ABR: variants seen among roughly 807,000 people sequenced by gnomAD.
ABR encodes active breakpoint cluster region-related protein.
In ABR, 35 loss-of-function variants were observed where a neutral mutation model predicts 107.2. The ratio of observed to expected loss-of-function variants is 0.33; its 90% CI spans 0.25 to 0.43. The LOEUF (loss-of-function observed/expected upper bound fraction) is 0.43. ABR is among the 20% of genes least tolerant of loss of function. The pLI is 1.00. For synonymous variants in ABR, 498 were observed against 462.0 expected (o/e 1.08, Z -1.00); for missense variants, 815 against 1,115.2 (o/e 0.73, Z 3.83).
chr17:1,035,929 T>A (rs2073152839), intron 16 of ABR, among the ~76,000 whole-genome samples: 1 of 151,150 alleles, frequency 6.6e-6, no homozygotes, highest in Admixed American at 6.6e-5. Context: ...AGTGGCGGCA[T>A]CAACGAGGAA....
At chr17:1,104,177 A>G (rs1176844350) in intron 2 of ABR, among the ~76,000 whole-genome samples, 1 of 152,126 alleles carries the variant, frequency 6.6e-6, no homozygotes, top group African/African-American at 2.4e-5. Context: ...TCCCAGCCAG[A>G]ACTTGTGAAA....
intron 2 of ABR, chr17:1,108,900 C>A (rs750027605): frequency 2.2e-5 from 34 of 1,555,790 alleles, no homozygotes; most frequent in South Asian, 4.7e-5. Flanking sequence ...CCGGCCCGGC[C>A]CCCCCCAGCG....
chr17:1,138,389 A>C (rs1008579195), intron 1 of ABR, among the ~76,000 whole-genome samples: 4 of 152,186 alleles, frequency 2.6e-5, no homozygotes, highest in African/African-American at 9.7e-5. Flanking sequence ...TCTGGGTGTT[A>C]GTTACACAAG....
intron 10 of ABR, among the ~76,000 whole-genome samples, chr17:1,059,246 A>G (rs1488389257): frequency 5.3e-5 from 8 of 152,172 alleles, no homozygotes; most frequent in Non-Finnish European, 2.9e-5. Context: ...GGCTGCCGAC[A>G]TAACGGAAGC....
At chr17:1,206,494 C>T (rs2042790419) in intron 1 of ABR, among the ~76,000 whole-genome samples, 1 of 152,176 alleles carries the variant, frequency 6.6e-6, no homozygotes, top group South Asian at 2.1e-4. Flanking sequence ...AGGGCTCAAG[C>T]GGTTCTCCTG....
At chr17:1,204,263 G>A (rs2042745280) in intron 1 of ABR, among the ~76,000 whole-genome samples, 1 of 152,224 alleles carries the variant, frequency 6.6e-6, no homozygotes, top group South Asian at 2.1e-4. Flanking sequence ...TGGACGGCAT[G>A]GTGAAACCCC....
At chr17:1,059,940 T>G (rs1199948922) in intron 10 of ABR, among the ~76,000 whole-genome samples, 1 of 152,130 alleles carries the variant, frequency 6.6e-6, no homozygotes, top group Admixed American at 6.5e-5. Context: ...GCCTGTCAAT[T>G]AAGCGCACAC....
Position 1,135,172 on chromosome 17 carries a change from G to C in ABR, c.62-9805C>G, listed in dbSNP as rs966943486. 2.6e-5 allele frequency among the ~76,000 whole-genome samples: 4 copies of C among 152,070 alleles called. No individual in the cohort carries two copies. The East Asian group carries it at 7.8e-4, about 29-fold the overall frequency. On this transcript the variant is annotated intron_variant, in intron 1 of 22. Coordinates refer to ENST00000302538, the MANE Select transcript of ABR (RefSeq NM_021962.5). ...GAGGGGACTATAAATAGCCAGGAGGGCTAGAACACAGAGTGAGCAGAGGGG... is the reference window on the plus strand; with the variant it reads ...GAGGGGACTATAAATAGCCAGGAGGCCTAGAACACAGAGTGAGCAGAGGGG...
rs2070574787 is a variant in ABR at position 1,011,785 on chromosome 17, C to T, written c.2101+61G>A. ...TCCTGGTTCCCCCGAGCTCTCCTGT[C>T]CATCCCACCAGCCTGCTCAGACACA... On this transcript the variant is annotated intron_variant, in intron 19 of 22. Coordinates refer to ENST00000302538, the MANE Select transcript of ABR (RefSeq NM_021962.5). The surrounding 1 kb of genome is among the most constrained non-coding windows in gnomAD (Gnocchi z 4.8). 2 of 1,513,630 alleles carry T rather than the reference C, an allele frequency of 1.3e-6. No individual in the cohort carries two copies. Among genetic ancestry groups the T allele is most frequent in the African/African-American group, 1.4e-5 (1 of 72,362 alleles). 93.8% of individuals were successfully genotyped at this position (1,513,630 alleles called of 1,614,324 possible). A position where few individuals can be genotyped will look rare whatever the true frequency, so the allele number is the denominator to read the frequency against.
chr17:1,096,114 C>G (rs1008202098), intron 3 of ABR, among the ~76,000 whole-genome samples: 1 of 151,990 alleles, frequency 6.6e-6, no homozygotes, highest in Admixed American at 6.6e-5. Context: ...TCCTTCACCC[C>G]CTACTTCGGC....
chr17:1,138,281 C>G (rs992828078), intron 1 of ABR, among the ~76,000 whole-genome samples: 10 of 152,014 alleles, frequency 6.6e-5, no homozygotes, highest in Admixed American at 6.6e-4. Context: ...AAGTCCATGG[C>G]AGTGGCTTTC....
chr17:1,215,331 G>C (rs12939200), intron 1 of ABR, among the ~76,000 whole-genome samples: 145,277 of 151,246 alleles, frequency 0.96, 70,042 homozygotes, highest in East Asian at 1. Flanking sequence ...CTCACTGCAA[G>C]CTCCCTGCCT....
intron 6 of ABR, among the ~76,000 whole-genome samples, chr17:1,075,712 TTTTA>T (rs890336034): frequency 1.3e-5 from 2 of 152,254 alleles, no homozygotes; most frequent in Non-Finnish European, 2.9e-5. Context: ...CTGCTTTATG[TTTTA>T]TTTATGTATT....
intron 1 of ABR, among the ~76,000 whole-genome samples, chr17:1,149,017 T>C (rs1366619431): frequency 6.6e-6 from 1 of 150,532 alleles, no homozygotes; most frequent in Non-Finnish European, 1.5e-5. Context: ...TTCTCCTGCC[T>C]CAGCCTCCCA....
At position 1,050,523 on chromosome 17, in the gene ABR, C is replaced by T. The variant is rs371931352; in HGVS notation, c.1659+14G>A. 148 of 1,611,578 alleles carry T rather than the reference C, an allele frequency of 9.2e-5. No individual in the cohort carries two copies. Among genetic ancestry groups the T allele is most frequent in the Non-Finnish European group, 1.1e-4 (131 of 1,178,002 alleles). ...GGTGGGGTCCCCACAGAGATGCCAG[C>T]CCCTGCCACTCACCTCATCCCACTT... On this transcript the variant is annotated intron_variant, in intron 15 of 22. Coordinates refer to ENST00000302538, the MANE Select transcript of ABR (RefSeq NM_021962.5). The surrounding 1 kb of genome is among the most constrained non-coding windows in gnomAD (Gnocchi z 4.6).
chr17:1,146,780 C>A (rs1470976347), intron 1 of ABR, among the ~76,000 whole-genome samples: 2 of 64,136 alleles, frequency 3.1e-5, no homozygotes, highest in South Asian at 6.0e-4. Flanking sequence ...TGCCACCAGG[C>A]CACCACTGCC....
intron 16 of ABR, among the ~76,000 whole-genome samples, chr17:1,044,199 AG>A (rs35493163): frequency 6.6e-6 from 1 of 151,778 alleles, no homozygotes; most frequent in Admixed American, 6.6e-5. Context: ...GAGCCGGTGG[AG>A]GGGGGGCTCC....
chr17:1,169,997 T>TGC (rs373257173), intron 1 of ABR, among the ~76,000 whole-genome samples: 1 of 132,624 alleles, frequency 7.5e-6, no homozygotes, highest in East Asian at 2.8e-4. Context: ...TGTGTTTGTG[T>TGC]GTGTGTGTGT....
At chr17:1,127,083 C>G (rs2039634898) in intron 1 of ABR, among the ~76,000 whole-genome samples, 1 of 152,220 alleles carries the variant, frequency 6.6e-6, no homozygotes, top group African/African-American at 2.4e-5. Context: ...GGCCTTTTGG[C>G]AGCCGAGCGC....
Sources: allele counts gnomAD v4.1 joint callset (sites outside exome capture counted in the v4.1 genomes callset), GRCh38; gene constraint gnomAD v4.1.1; non-coding constraint Gnocchi (gnomAD v3.1); transcripts MANE v1.5; gene names NCBI Gene and HGNC (gene_info 2026-07-23, HGNC 2026-07-21).